Variants in GIPC2 observed in about 807,000 individuals in gnomAD.
The protein encoded by GIPC2 is GIPC PDZ domain containing family member 2, also known as PDZ domain-containing protein GIPC2.
Under a neutral mutation model 30.6 loss-of-function variants are expected in GIPC2, and 30 were observed. The observed-to-expected ratio is 0.98, with a 90% CI of 0.73 to 1.33. The LOEUF is 1.33. GIPC2 is among the 40% of genes most tolerant of loss of function. The pLI is 0.00. For synonymous variants in GIPC2, 167 were observed against 150.0 expected, an observed-to-expected ratio of 1.11 and a Z score of -0.83; for missense variants, 414 against 390.3, an observed-to-expected ratio of 1.06 and a Z score of -0.51.
intron 3 of GIPC2, among the ~76,000 whole-genome samples, chr1:78,117,984 G>T (rs1662601028): frequency 1.3e-5 from 2 of 151,242 alleles, no homozygotes; most frequent in Non-Finnish European, 2.9e-5. Flanking sequence ...TCACTGTGTT[G>T]CAATCATGGC....
intron 1 of GIPC2, among the ~76,000 whole-genome samples, chr1:78,055,701 G>A (rs538860406): frequency 6.6e-6 from 1 of 152,220 alleles, no homozygotes; most frequent in Non-Finnish European, 1.5e-5. Flanking sequence ...AAGAGTCTTT[G>A]TTGTGTCAGG....
At chr1:78,073,108 CTT>C (rs781384738) in intron 1 of GIPC2, among the ~76,000 whole-genome samples, 11 of 137,484 alleles carry the variant, frequency 8.0e-5, no homozygotes, top group Non-Finnish European at 1.1e-4. Flanking sequence ...CATGCCCGGC[CTT>C]TTTTTTTTTT....
rs1384111301 is a variant in GIPC2, at chr1:78,137,166, A to G, written c.*1423A>G. 5 of 152,172 alleles carry G rather than the reference A, an allele frequency of 3.3e-5. No homozygotes were observed. Among genetic ancestry groups the G allele is most frequent in the Non-Finnish European group, 7.4e-5 (5 of 68,008 alleles). The allele number at this position is 152,172 out of a possible 1,614,324, so 9.4% of individuals were successfully genotyped here. On this transcript the variant is annotated 3_prime_UTR_variant, in exon 6 of 6. Transcript: ENST00000370759. The stretch of plus-strand genomic sequence containing the variant: ...AAGCTGTTTTAGTCATTAATGTGTA[A>G]CAAAAGTAGCTTATAGAATATGGAC...
At position 78,060,812 on chromosome 1, in the gene GIPC2, T is replaced by A. The variant is rs531404198; in HGVS notation, c.240+14478T>A. On this transcript the variant is annotated intron_variant, in intron 1 of 5. Coordinates refer to ENST00000370759, the MANE Select transcript of GIPC2 (RefSeq NM_017655.6). ...CTTCCAGAAAAATACTCTATAAATG[T>A]GTGTGTGTGTATATAGATAGATAGA... is the stretch of plus-strand genomic sequence containing the variant. 2.5e-4 allele frequency among the ~76,000 whole-genome samples: 38 copies of A among 151,406 alleles called. 1 individual carries two copies. The highest frequency in any genetic ancestry group is 3.8e-4 in the Non-Finnish European group (26 of 67,778).
chr1:78,045,958 A>G, upstream of GIPC2: 4 of 1,372,738 alleles, frequency 2.9e-6, no homozygotes, highest in Non-Finnish European at 3.7e-6. Context: ...CCCTGACCCG[A>G]CGCAGCCAGG....
intron 3 of GIPC2, 47 bp downstream of exon 3, chr1:78,095,179 T>G: frequency 7.5e-7 from 1 of 1,330,044 alleles, no homozygotes. Context: ...TTGCTTTCCC[T>G]GGTTTATCTT....
chr1:78,115,876 A>G (rs568697085), intron 3 of GIPC2, among the ~76,000 whole-genome samples: 7 of 152,332 alleles, frequency 4.6e-5, no homozygotes, highest in Middle Eastern at 3.4e-3. Context: ...ATATAGGTCA[A>G]AATTAATATG....
intron 1 of GIPC2, among the ~76,000 whole-genome samples, chr1:78,061,482 G>T (rs1661390209): frequency 6.6e-6 from 1 of 151,666 alleles, no homozygotes; most frequent in Non-Finnish European, 1.5e-5. Context: ...GTGGTAGAAT[G>T]GTTTTTTTTT....
chr1:78,060,105 A>G (rs971011974), intron 1 of GIPC2, among the ~76,000 whole-genome samples: 7 of 152,204 alleles, frequency 4.6e-5, no homozygotes, highest in East Asian at 1.9e-4. Context: ...AGTTGTTTCA[A>G]AGCTTTATAG....
At chr1:78,051,269 G>A (rs922579948) in intron 1 of GIPC2, among the ~76,000 whole-genome samples, 8 of 151,692 alleles carry the variant, frequency 5.3e-5, no homozygotes, top group African/African-American at 1.9e-4. Flanking sequence ...ACAAAAAAAA[G>A]ATAAATTTTA....
intron 1 of GIPC2, among the ~76,000 whole-genome samples, chr1:78,058,000 C>G (rs968500850): frequency 3.3e-5 from 5 of 152,176 alleles, no homozygotes; most frequent in Non-Finnish European, 7.3e-5. Context: ...GAAGCTTTTG[C>G]TAAGCAAGAG....
intron 3 of GIPC2, among the ~76,000 whole-genome samples, chr1:78,097,798 G>T: frequency 6.6e-6 from 1 of 152,198 alleles, no homozygotes; most frequent in South Asian, 2.1e-4. Flanking sequence ...TTTCAGGGGT[G>T]TGTGTACCAG....
intron 3 of GIPC2, among the ~76,000 whole-genome samples, chr1:78,115,711 C>G (rs1388571264): frequency 1.3e-5 from 2 of 152,194 alleles, no homozygotes; most frequent in African/African-American, 4.8e-5. Context: ...AATGTTGGGT[C>G]ACCTGGATTA....
chr1:78,124,583 T>G (rs1008458697), intron 4 of GIPC2, among the ~76,000 whole-genome samples: 7 of 152,352 alleles, frequency 4.6e-5, no homozygotes, highest in Admixed American at 1.3e-4. Flanking sequence ...TATTTGTCAC[T>G]GTGTTCTCCA....
At chr1:78,076,561 C>T (rs561033739) in intron 1 of GIPC2, among the ~76,000 whole-genome samples, 2 of 152,210 alleles carry the variant, frequency 1.3e-5, no homozygotes, top group Non-Finnish European at 2.9e-5. Context: ...GGTTCATGCT[C>T]CTATGAGAGT....
chr1:78,067,750 C>T (rs1335808992), intron 1 of GIPC2, among the ~76,000 whole-genome samples: 1 of 152,192 alleles, frequency 6.6e-6, no homozygotes. Flanking sequence ...TGCACCTCGC[C>T]TCAAATTTTT....
intron 1 of GIPC2, among the ~76,000 whole-genome samples, chr1:78,072,285 C>T (rs181412254): frequency 2.6e-5 from 4 of 152,300 alleles, no homozygotes; most frequent in African/African-American, 7.2e-5. Flanking sequence ...TTTACTTTCA[C>T]GATACAGCAT....
intron 5 of GIPC2, among the ~76,000 whole-genome samples, 159 bp downstream of exon 5, chr1:78,126,121 C>T (rs1662778263): frequency 6.6e-6 from 1 of 152,136 alleles, no homozygotes; most frequent in African/African-American, 2.4e-5. Flanking sequence ...AAGACCTGTT[C>T]CTTACCGCTT....
At chr1:78,111,019 T>C (rs929386477) in intron 3 of GIPC2, among the ~76,000 whole-genome samples, 1 of 152,218 alleles carries the variant, frequency 6.6e-6, no homozygotes, top group African/African-American at 2.4e-5. Flanking sequence ...GCGCACATCC[T>C]GCCGAGTGCT....
Sources: gnomAD v4.1 joint callset for allele counts (sites outside exome capture counted in the v4.1 genomes callset) on GRCh38, gnomAD v4.1.1 for gene constraint, MANE v1.5 for transcripts, NCBI Gene and HGNC (gene_info 2026-07-23, HGNC 2026-07-21) for gene names.